Variants in LPP observed in about 807,000 individuals in gnomAD.
The protein encoded by LPP is lipoma-preferred partner.
LPP carries 38 observed loss-of-function variants against 60.4 expected under a neutral mutation model. The observed-to-expected ratio is 0.63, with a 90% CI of 0.49 to 0.83. The LOEUF is 0.83. LPP is among the 40% of genes least tolerant of loss of function. The probability of loss-of-function intolerance (pLI) is 0.00; values close to 1 mark genes in which losing one functional copy is unlikely to be tolerated. For synonymous variants in LPP, 328 were observed against 290.8 expected (o/e 1.13, Z -1.30); for missense variants, 902 against 783.6 (o/e 1.15, Z -1.80).
At chr3:188,560,242 C>A (rs1452852031) in intron 6 of LPP, among the ~76,000 whole-genome samples, 1 of 152,112 alleles carries the variant, frequency 6.6e-6, no homozygotes, top group African/African-American at 2.4e-5. Flanking sequence ...TCTGACGCAT[C>A]TCTGCTTCTT....
intron 4 of LPP, among the ~76,000 whole-genome samples, chr3:188,449,686 T>C (rs1796142270): frequency 1.3e-5 from 2 of 152,216 alleles, no homozygotes; most frequent in African/African-American, 4.8e-5. Context: ...ACTTTGTCCT[T>C]GTGCCTTTAG....
At chr3:188,846,812 C>A (rs1291449117) in intron 9 of LPP, among the ~76,000 whole-genome samples, 2 of 152,006 alleles carry the variant, frequency 1.3e-5, no homozygotes, top group African/African-American at 2.4e-5. Flanking sequence ...TGTAAACATC[C>A]TTATCATGCC....
intron 2 of LPP, among the ~76,000 whole-genome samples, chr3:188,286,922 T>C (rs1014682004): frequency 1.3e-5 from 2 of 152,200 alleles, no homozygotes; most frequent in African/African-American, 4.8e-5. Flanking sequence ...ATTTTTGAGA[T>C]GGGATTTCTC....
chr3:188,535,214 G>T (rs3796286), intron 6 of LPP, among the ~76,000 whole-genome samples: 1 of 151,972 alleles, frequency 6.6e-6, no homozygotes, highest in Non-Finnish European at 1.5e-5. Flanking sequence ...GACTGCAGAA[G>T]GGGATCGAAT....
chr3:188,462,590 G>A (rs1481980558), intron 4 of LPP, among the ~76,000 whole-genome samples: 827 of 4,002 alleles, frequency 0.21, 3 homozygotes, highest in South Asian at 0.29. Flanking sequence ...ATATATGCAT[G>A]TGTGTGTGTG....
At chr3:188,634,721 C>A (rs1848418181) in intron 7 of LPP, among the ~76,000 whole-genome samples, 1 of 152,178 alleles carries the variant, frequency 6.6e-6, no homozygotes, top group African/African-American at 2.4e-5. Context: ...TCACTGTCTC[C>A]CATCATCCCC....
chr3:188,864,740 T>C (rs149021172), intron 9 of LPP, among the ~76,000 whole-genome samples: 13 of 152,340 alleles, frequency 8.5e-5, no homozygotes, highest in African/African-American at 3.1e-4. Context: ...TCTGAGATGT[T>C]ATGAGAACCA....
chr3:188,698,299 G>T (rs572361154), intron 7 of LPP, among the ~76,000 whole-genome samples: 8 of 152,070 alleles, frequency 5.3e-5, no homozygotes, highest in Non-Finnish European at 1.0e-4. Context: ...TAGGTCATGG[G>T]TCTTGCCTAG....
At chr3:188,752,127 CCTT>C (rs1348848816) in intron 8 of LPP, among the ~76,000 whole-genome samples, 2 of 152,320 alleles carry the variant, frequency 1.3e-5, no homozygotes, top group Non-Finnish European at 2.9e-5. Flanking sequence ...ATGCTGGACA[CCTT>C]CTAGATGTTA....
At chr3:188,438,154 C>T (rs976383168) in intron 4 of LPP, among the ~76,000 whole-genome samples, 1 of 152,016 alleles carries the variant, frequency 6.6e-6, no homozygotes, top group Non-Finnish European at 1.5e-5. Flanking sequence ...GTCAGGATGG[C>T]TAAGCATGGT....
At chr3:188,759,781 C>G (rs998144256) in intron 8 of LPP, among the ~76,000 whole-genome samples, 1 of 152,172 alleles carries the variant, frequency 6.6e-6, no homozygotes, top group Non-Finnish European at 1.5e-5. Flanking sequence ...GAGTCATGTT[C>G]CTTTTATACT....
chr3:188,368,499 G>A (rs1399600048), intron 3 of LPP, among the ~76,000 whole-genome samples: 1 of 151,970 alleles, frequency 6.6e-6, no homozygotes, highest in Non-Finnish European at 1.5e-5. Context: ...GGGCCAGAAG[G>A]CTTTAGTAAT....
At chr3:188,684,806 G>T (rs760623616) in intron 7 of LPP, among the ~76,000 whole-genome samples, 6 of 151,768 alleles carry the variant, frequency 4.0e-5, no homozygotes, top group Non-Finnish European at 7.4e-5. Flanking sequence ...CTCATGCATG[G>T]TATAGGATGA....
intron 2 of LPP, among the ~76,000 whole-genome samples, chr3:188,324,842 A>G (rs1256738880): frequency 6.6e-6 from 1 of 152,066 alleles, no homozygotes; most frequent in Admixed American, 6.5e-5. Context: ...TTGACTTACA[A>G]TTTGTCCACT....
At chr3:188,580,562 A>G (rs1835838611) in intron 6 of LPP, among the ~76,000 whole-genome samples, 2 of 152,306 alleles carry the variant, frequency 1.3e-5, no homozygotes, top group South Asian at 4.1e-4. Flanking sequence ...TTATACTAGG[A>G]AGGCATGTTT....
In LPP at chr3:188,386,260, G is replaced by GCACACA. The variant is rs1491279764; in HGVS notation, c.-9-19851_-9-19850insACACAC. On this transcript the variant is annotated intron_variant, in intron 3 of 11. Coordinates refer to ENST00000617246, the MANE Select transcript of LPP (RefSeq NM_001375462.1). ...GTAGATAGCACTTAAGTCATAGCAT[G>GCACACA]CGCGCACACACACACACACACACAC... Among the ~76,000 whole-genome samples, 217 of 96,826 alleles carry GCACACA rather than the reference G, an allele frequency of 2.2e-3. 2 individuals are homozygous for GCACACA. Among genetic ancestry groups the GCACACA allele is most frequent in the East Asian group, 0.015 (58 of 3,818 alleles). The allele number at this position is 96,826 out of a possible 152,430, so 63.5% of individuals were successfully genotyped here.
chr3:188,311,997 A>C (rs1231762724), intron 2 of LPP, among the ~76,000 whole-genome samples: 1 of 152,238 alleles, frequency 6.6e-6, no homozygotes, highest in Non-Finnish European at 1.5e-5. Flanking sequence ...ACAAAAATAT[A>C]GTTTAAACTA....
At chr3:188,261,472 GA>G (rs1733618038) in intron 2 of LPP, among the ~76,000 whole-genome samples, 1 of 151,998 alleles carries the variant, frequency 6.6e-6, no homozygotes. Context: ...AATATGCCTT[GA>G]AAAAATTTTA....
At chr3:188,537,254 G>C (rs961728875) in intron 6 of LPP, among the ~76,000 whole-genome samples, 1 of 151,842 alleles carries the variant, frequency 6.6e-6, no homozygotes, top group African/African-American at 2.4e-5. Flanking sequence ...ATGTTTCCTT[G>C]AGTGCCTTCT....
Sources: gnomAD v4.1 joint callset for allele counts (sites outside exome capture counted in the v4.1 genomes callset) on GRCh38, gnomAD v4.1.1 for gene constraint, MANE v1.5 for transcripts, NCBI Gene and HGNC (gene_info 2026-07-23, HGNC 2026-07-21) for gene names.